GPATCH2: variants seen among roughly 807,000 people sequenced by gnomAD.
The protein encoded by GPATCH2 is G-patch domain containing 2, also known as G patch domain-containing protein 2.
In GPATCH2, 51 loss-of-function variants were observed where a neutral mutation model predicts 58.0. The ratio of observed to expected loss-of-function variants is 0.88; its 90% CI spans 0.70 to 1.11. The LOEUF (loss-of-function observed/expected upper bound fraction) is 1.11, where lower values mean the gene tolerates loss of function less well. Ranked by LOEUF, GPATCH2 falls within the 50% of genes most tolerant of loss-of-function variation. The pLI is 0.00. For missense variants in GPATCH2, 625 were observed against 652.2 expected, an observed-to-expected ratio of 0.96 and a Z score of 0.45; for synonymous variants, 222 against 218.5, an observed-to-expected ratio of 1.02 and a Z score of -0.14.
chr1:217,471,305 C>A (rs1007089386), intron 8 of GPATCH2, among the ~76,000 whole-genome samples: 1 of 152,022 alleles, frequency 6.6e-6, no homozygotes, highest in Non-Finnish European at 1.5e-5. Flanking sequence ...AAATATAGCC[C>A]ATGTCATTAA....
At chr1:217,539,224 A>G (rs867790786) in intron 5 of GPATCH2, among the ~76,000 whole-genome samples, 17 of 152,306 alleles carry the variant, frequency 1.1e-4, no homozygotes, top group South Asian at 6.2e-4. Flanking sequence ...CAGAATGGGA[A>G]GCATCTCATA....
chr1:217,432,963 T>G (rs182204726), intron 9 of GPATCH2, among the ~76,000 whole-genome samples: 7 of 152,280 alleles, frequency 4.6e-5, no homozygotes, highest in Non-Finnish European at 4.4e-5. Context: ...ATTTCTGCTC[T>G]GAAATGTGGA....
intron 5 of GPATCH2, among the ~76,000 whole-genome samples, chr1:217,567,053 T>TTTG (rs1666280398): frequency 6.6e-6 from 1 of 151,150 alleles, no homozygotes; most frequent in South Asian, 2.1e-4. Context: ...TGGCTTTTTT[T>TTTG]TTTTTTTTTT....
At chr1:217,558,413 G>A (rs1043376762) in intron 5 of GPATCH2, among the ~76,000 whole-genome samples, 1 of 152,102 alleles carries the variant, frequency 6.6e-6, no homozygotes, top group Non-Finnish European at 1.5e-5. Flanking sequence ...AATCAAACAC[G>A]GAAGGTACAA....
At chr1:217,465,641 C>T (rs778915643) in intron 8 of GPATCH2, among the ~76,000 whole-genome samples, 4 of 152,122 alleles carry the variant, frequency 2.6e-5, no homozygotes, top group African/African-American at 4.8e-5. Context: ...TCTCTCTTGC[C>T]GCCAACATGT....
At chr1:217,457,443 A>G (rs181129701) in intron 8 of GPATCH2, among the ~76,000 whole-genome samples, 11 of 152,348 alleles carry the variant, frequency 7.2e-5, no homozygotes, top group Admixed American at 2.6e-4. Flanking sequence ...TTTAGCACGT[A>G]TATATTCAAT....
chr1:217,624,889 A>G (rs1428039141), intron 1 of GPATCH2, among the ~76,000 whole-genome samples: 1 of 152,234 alleles, frequency 6.6e-6, no homozygotes, highest in South Asian at 2.1e-4. Flanking sequence ...AATATCTAAG[A>G]TAACAATAGT....
chr1:217,553,718 T>C (rs904492852), intron 5 of GPATCH2, among the ~76,000 whole-genome samples: 5 of 152,194 alleles, frequency 3.3e-5, no homozygotes, highest in Non-Finnish European at 7.3e-5. Context: ...ATTCAAGGTT[T>C]CGATTGTGAG....
intron 6 of GPATCH2, among the ~76,000 whole-genome samples, chr1:217,514,499 A>G (rs1571840172): frequency 1.3e-5 from 2 of 152,284 alleles, no homozygotes; most frequent in East Asian, 3.9e-4. Context: ...GTTGGGATAG[A>G]GAATAAGGAT....
intron 8 of GPATCH2, among the ~76,000 whole-genome samples, chr1:217,491,085 G>A (rs1430773329): frequency 6.6e-6 from 1 of 152,134 alleles, no homozygotes; most frequent in Non-Finnish European, 1.5e-5. Flanking sequence ...AAATATCAGG[G>A]CAGTTTTTCT....
intron 9 of GPATCH2, among the ~76,000 whole-genome samples, chr1:217,445,132 C>A (rs1400225831): frequency 2.0e-5 from 3 of 151,982 alleles, no homozygotes; most frequent in African/African-American, 4.8e-5. Flanking sequence ...ATATGCATAT[C>A]AAGACATTAA....
intron 5 of GPATCH2, among the ~76,000 whole-genome samples, chr1:217,522,222 C>T (rs566931557): frequency 6.6e-6 from 1 of 152,216 alleles, no homozygotes; most frequent in Non-Finnish European, 1.5e-5. Context: ...AATAATAATA[C>T]TTCTAATTAT....
At chr1:217,492,719 T>C (rs1661806531) in intron 7 of GPATCH2, 2 of 152,142 alleles carry the variant, frequency 1.3e-5, no homozygotes, top group African/African-American at 4.8e-5. Flanking sequence ...AACAATAATA[T>C]CTACCTGTAA....
chr1:217,547,012 T>C (rs551655925), intron 5 of GPATCH2, among the ~76,000 whole-genome samples: 1 of 151,994 alleles, frequency 6.6e-6, no homozygotes, highest in South Asian at 2.1e-4. Flanking sequence ...TCACTGATCA[T>C]TGGAGAAATG....
intron 5 of GPATCH2, among the ~76,000 whole-genome samples, chr1:217,597,471 A>C (rs911324497): frequency 6.6e-5 from 10 of 152,044 alleles, no homozygotes; most frequent in Admixed American, 6.6e-5. Flanking sequence ...TGACTGAAAC[A>C]CCAGACTCCA....
intron 8 of GPATCH2, among the ~76,000 whole-genome samples, chr1:217,470,128 T>A (rs1033680592): frequency 1.3e-5 from 2 of 152,170 alleles, no homozygotes; most frequent in Non-Finnish European, 2.9e-5. Context: ...TAGTTCTGTG[T>A]CCATGCCCAT....
chr1:217,443,978 G>A (rs988016173), intron 9 of GPATCH2, among the ~76,000 whole-genome samples: 1 of 152,068 alleles, frequency 6.6e-6, no homozygotes, highest in African/African-American at 2.4e-5. Flanking sequence ...TCATTGGTAG[G>A]TTTTTATTTG....
chr1:217,609,228 A>C (rs1173444683), intron 5 of GPATCH2: 1 of 983,560 alleles, frequency 1.0e-6, no homozygotes, highest in Non-Finnish European at 1.2e-6. Context: ...GGTGAAAATG[A>C]GCTCATGCAA....
At chr1:217,456,555 T>C (rs1174625884) in intron 8 of GPATCH2, among the ~76,000 whole-genome samples, 1 of 152,160 alleles carries the variant, frequency 6.6e-6, no homozygotes, top group African/African-American at 2.4e-5. Flanking sequence ...TGAAATGTAG[T>C]GTGCAAGGAG....
Sources: gnomAD v4.1 joint callset for allele counts (sites outside exome capture counted in the v4.1 genomes callset) on GRCh38, gnomAD v4.1.1 for gene constraint, MANE v1.5 for transcripts, NCBI Gene and HGNC (gene_info 2026-07-23, HGNC 2026-07-21) for gene names.